The following GRAMD1B variants were observed in gnomAD, a reference collection of about 807,000 sequenced individuals.
GRAMD1B encodes the protein GRAM domain containing 1B.
Under a neutral mutation model 99.7 loss-of-function variants are expected in GRAMD1B, and 37 were observed. The ratio of observed to expected loss-of-function variants is 0.37; its 90% CI spans 0.29 to 0.49. The LOEUF (loss-of-function observed/expected upper bound fraction) is 0.49, where lower values mean the gene tolerates loss of function less well. Ranked by LOEUF, GRAMD1B falls within the 20% of genes least tolerant of loss-of-function variation. GRAMD1B has a pLI of 0.98. For missense variants in GRAMD1B, 888 were observed against 1,009.2 expected (o/e 0.88, Z 1.63); for synonymous variants, 427 against 387.6 (o/e 1.10, Z -1.19).
At chr11:123,469,084 G>C (rs1950856562) in intron 1 of GRAMD1B, among the ~76,000 whole-genome samples, 1 of 151,978 alleles carries the variant, frequency 6.6e-6, no homozygotes, top group Non-Finnish European at 1.5e-5. Flanking sequence ...GAGAGAAAAG[G>C]CTCTACCAGG....
Position 123,626,460 on chromosome 11 carries a change from T to A in GRAMD1B, c.*3865T>A, listed in dbSNP as rs1436351040. Reference sequence around the variant, plus strand: ...GAAAGGACTAGGGGAAGTATCTTTCTGGATGCTTGTGGTCCCAGAAGGGTA... The same window carrying A: ...GAAAGGACTAGGGGAAGTATCTTTCAGGATGCTTGTGGTCCCAGAAGGGTA... On this transcript the variant is annotated 3_prime_UTR_variant, in exon 20 of 20. Coordinates refer to ENST00000635736, the MANE Select transcript of GRAMD1B (RefSeq NM_001387025.1). The A allele has an allele frequency of 6.6e-6, 1 of 152,100 alleles. No individual in the cohort carries two copies. Among genetic ancestry groups the A allele is most frequent in the Non-Finnish European group, 1.5e-5 (1 of 68,024 alleles). 9.4% of individuals were successfully genotyped at this position (152,100 alleles called of 1,614,324 possible).
At chr11:123,365,804 T>C (rs1170813945) in intron 1 of GRAMD1B, among the ~76,000 whole-genome samples, 2 of 152,242 alleles carry the variant, frequency 1.3e-5, no homozygotes, top group Admixed American at 6.5e-5. Flanking sequence ...AGTTTTCTTG[T>C]GATCTAAGTC....
chr11:123,494,792 C>G (rs972281520), intron 2 of GRAMD1B, among the ~76,000 whole-genome samples: 22 of 152,080 alleles, frequency 1.4e-4, no homozygotes, highest in African/African-American at 5.1e-4. Context: ...ATCCTCCTAC[C>G]AGCCTCAGCG....
At chr11:123,491,873 G>A in intron 2 of GRAMD1B, 1 of 399,198 alleles carries the variant, frequency 2.5e-6, no homozygotes, top group South Asian at 1.3e-4. Context: ...TACAGCCAGA[G>A]ACCGTCTCTT....
At chr11:123,457,117 A>AGAAAAGAAAGAAAGAAAGAAAGAAAG in intron 1 of GRAMD1B, among the ~76,000 whole-genome samples, 2 of 99,432 alleles carry the variant, frequency 2.0e-5, no homozygotes, top group African/African-American at 3.6e-5. Context: ...TTCTGAGAAA[A>AGAAAAGAAAGAAAGAAAGAAAGAAAG]AAAGAAAGAA....
chr11:123,616,780 G>A (rs923922157), intron 17 of GRAMD1B, among the ~76,000 whole-genome samples: 5 of 152,174 alleles, frequency 3.3e-5, no homozygotes, highest in African/African-American at 1.2e-4. Flanking sequence ...AGCACACAGG[G>A]GTATCCCTTG....
At chr11:123,590,104 T>C (rs954335895) in intron 4 of GRAMD1B, among the ~76,000 whole-genome samples, 1 of 152,198 alleles carries the variant, frequency 6.6e-6, no homozygotes, top group Non-Finnish European at 1.5e-5. Flanking sequence ...GCTTTTAGTA[T>C]TGCTACTTTG....
chr11:123,393,526 C>T (rs1472657648), intron 1 of GRAMD1B, among the ~76,000 whole-genome samples: 1 of 152,166 alleles, frequency 6.6e-6, no homozygotes, highest in Admixed American at 6.5e-5. Context: ...ATGGCACACT[C>T]ACAGAGATGG....
rs369874779 is a variant in GRAMD1B, at chr11:123,363,169, G to A, written c.-176+4370G>A. Among the ~76,000 whole-genome samples, 12 of 152,290 alleles carry A rather than the reference G, an allele frequency of 7.9e-5. No homozygotes were observed. The East Asian group carries it at 1.4e-3, about 17-fold the overall frequency. Reference sequence around the variant, plus strand: ...AATGCAAGCGAGCCAGCAGAACAGCGTGGTTTTTGTGCTTTGGAGGCTTCT... The same window carrying A: ...AATGCAAGCGAGCCAGCAGAACAGCATGGTTTTTGTGCTTTGGAGGCTTCT... On this transcript the variant is annotated intron_variant, in intron 1 of 20. Coordinates refer to the GRAMD1B transcript ENST00000638157.
chr11:123,490,919 G>T lies in GRAMD1B; in HGVS notation c.452+10026G>T, dbSNP rs554721118. On this transcript the variant is annotated intron_variant, in intron 2 of 19. Coordinates refer to ENST00000635736, the MANE Select transcript of GRAMD1B (RefSeq NM_001387025.1). ...AGCGGCAGCAGGATCTGTTTTCTCT[G>T]TGTGATAGAAAATGATGTCTCCTAA... is the stretch of plus-strand genomic sequence containing the variant. Among the ~76,000 whole-genome samples the T allele has an allele frequency of 2.0e-5, 3 of 152,322 alleles. No homozygotes were observed. The South Asian group carries it at 6.2e-4, about 32-fold the overall frequency.
At chr11:123,507,253 G>A (rs1447559698) in intron 2 of GRAMD1B, among the ~76,000 whole-genome samples, 1 of 152,224 alleles carries the variant, frequency 6.6e-6, no homozygotes, top group Non-Finnish European at 1.5e-5. Flanking sequence ...AAGATGACGT[G>A]TAGATTGGCT....
intron 7 of GRAMD1B, chr11:123,598,369 C>T (rs1951543645): frequency 9.6e-7 from 1 of 1,038,242 alleles, no homozygotes; most frequent in East Asian, 2.4e-5. Flanking sequence ...CTGATTTGCT[C>T]TTTTTCGTCT....
chr11:123,389,756 G>C (rs930236798), intron 1 of GRAMD1B, among the ~76,000 whole-genome samples: 1 of 151,980 alleles, frequency 6.6e-6, no homozygotes, highest in Non-Finnish European at 1.5e-5. Flanking sequence ...TTTTCTAGGT[G>C]GGGTGGGAAG....
chr11:123,476,862 C>T (rs1446076750), intron 1 of GRAMD1B, among the ~76,000 whole-genome samples: 1 of 152,198 alleles, frequency 6.6e-6, no homozygotes, highest in Non-Finnish European at 1.5e-5. Context: ...ACAGAATTGT[C>T]TTACTGGTCC....
intron 4 of GRAMD1B, among the ~76,000 whole-genome samples, chr11:123,589,772 G>A (rs536664820): frequency 4.8e-4 from 73 of 152,074 alleles, no homozygotes; most frequent in African/African-American, 1.7e-3. Flanking sequence ...TGGAATCTAC[G>A]TTTTTACATG....
At chr11:123,442,643 A>C (rs779300277) in intron 1 of GRAMD1B, among the ~76,000 whole-genome samples, 7 of 152,110 alleles carry the variant, frequency 4.6e-5, no homozygotes, top group Non-Finnish European at 1.0e-4. Context: ...GGTGGCAGGC[A>C]CCTGTAGTCT....
At position 123,625,942 on chromosome 11, in the gene GRAMD1B, G is replaced by GAGAGAC; in HGVS notation, c.*3352_*3353insCAGAGA. On this transcript the variant is annotated 3_prime_UTR_variant, in exon 20 of 20. Coordinates refer to ENST00000635736, the MANE Select transcript of GRAMD1B (RefSeq NM_001387025.1). Reference sequence around the variant, plus strand: ...GGCTGGGGAGGCCCAGTGGAAGAGAGAGAGAGAGAGAGAGAGAGAGAGAGA... The same window carrying GAGAGAC: ...GGCTGGGGAGGCCCAGTGGAAGAGAGAGAGACAGAGAGAGAGAGAGAGAGAGAGAGA... 1 of 86,084 alleles carries GAGAGAC rather than the reference G, an allele frequency of 1.2e-5. No homozygotes were observed. Among genetic ancestry groups the GAGAGAC allele is most frequent in the African/African-American group, 4.2e-5 (1 of 23,784 alleles). The allele number at this position is 86,084 out of a possible 1,614,324, so 5.3% of individuals were successfully genotyped here. A position where few individuals can be genotyped will look rare whatever the true frequency, so the allele number is the denominator to read the frequency against.
intron 1 of GRAMD1B, among the ~76,000 whole-genome samples, chr11:123,463,732 A>G (rs1950541587): frequency 6.6e-6 from 1 of 152,238 alleles, no homozygotes; most frequent in Non-Finnish European, 1.5e-5. Flanking sequence ...AGCGCCCAAT[A>G]GGCCAGGGTG....
At chr11:123,445,220 C>T (rs1949583664) in intron 1 of GRAMD1B, among the ~76,000 whole-genome samples, 1 of 152,234 alleles carries the variant, frequency 6.6e-6, no homozygotes, top group East Asian at 1.9e-4. Flanking sequence ...ATTTCTGCCA[C>T]TTAACCTTGT....
Sources: gnomAD v4.1 joint callset for allele counts (sites outside exome capture counted in the v4.1 genomes callset) on GRCh38, gnomAD v4.1.1 for gene constraint, MANE v1.5 for transcripts, NCBI Gene and HGNC (gene_info 2026-07-23, HGNC 2026-07-21) for gene names.